The following AGBL4 variants were observed in gnomAD, a reference collection of about 807,000 sequenced individuals.
The protein encoded by AGBL4 is AGBL carboxypeptidase 4, also known as cytosolic carboxypeptidase 6.
AGBL4 carries 58 observed loss-of-function variants against 66.4 expected under a neutral mutation model. The ratio of observed to expected loss-of-function variants is 0.87; its 90% CI spans 0.71 to 1.09. The LOEUF is 1.09. Ranked by LOEUF, AGBL4 falls within the 50% of genes least tolerant of loss-of-function variation. The probability of loss-of-function intolerance (pLI) is 0.00; values close to 1 mark genes in which losing one functional copy is unlikely to be tolerated. For missense variants in AGBL4, 579 were observed against 631.0 expected (o/e 0.92, Z 0.88); for synonymous variants, 234 against 222.9 (o/e 1.05, Z -0.44).
intron 3 of AGBL4, among the ~76,000 whole-genome samples, chr1:49,460,295 G>C (rs1026776645): frequency 3.3e-5 from 5 of 151,526 alleles, no homozygotes; most frequent in Admixed American, 6.6e-5. Context: ...ATGTATTTAG[G>C]ATTGTGATAT....
chr1:48,818,397 T>G (rs1646236403), intron 6 of AGBL4, among the ~76,000 whole-genome samples: 1 of 152,174 alleles, frequency 6.6e-6, no homozygotes, highest in Non-Finnish European at 1.5e-5. Flanking sequence ...TGATGTCAGT[T>G]TTTGCTTTTT....
chr1:49,014,333 G>A (rs917997501), intron 5 of AGBL4, among the ~76,000 whole-genome samples: 1 of 152,214 alleles, frequency 6.6e-6, no homozygotes, highest in Non-Finnish European at 1.5e-5. Flanking sequence ...AAATGCTTTA[G>A]ACCAAGAGGT....
intron 3 of AGBL4, among the ~76,000 whole-genome samples, chr1:49,318,414 G>C (rs1645076086): frequency 6.6e-6 from 1 of 151,670 alleles, no homozygotes; most frequent in Middle Eastern, 3.4e-3. Flanking sequence ...TGATGATGAT[G>C]ATGATGATGA....
intron 11 of AGBL4, among the ~76,000 whole-genome samples, chr1:48,576,850 G>A (rs1275153939): frequency 6.6e-6 from 1 of 152,192 alleles, no homozygotes; most frequent in Non-Finnish European, 1.5e-5. Context: ...GGATGTGGGA[G>A]TTGACACATT....
chr1:49,429,754 C>T (rs758563496), intron 3 of AGBL4, among the ~76,000 whole-genome samples: 6 of 152,140 alleles, frequency 3.9e-5, no homozygotes, highest in Non-Finnish European at 8.8e-5. Flanking sequence ...TATTTAAAAT[C>T]CCTTATTAAC....
At chr1:49,963,289 G>T (rs889936491) in intron 1 of AGBL4, among the ~76,000 whole-genome samples, 1 of 152,040 alleles carries the variant, frequency 6.6e-6, no homozygotes, top group African/African-American at 2.4e-5. Flanking sequence ...TCTTGTTAAG[G>T]ATGCAGTCAT....
At chr1:49,458,709 T>G (rs1324686110) in intron 3 of AGBL4, among the ~76,000 whole-genome samples, 3 of 151,836 alleles carry the variant, frequency 2.0e-5, no homozygotes, top group African/African-American at 7.2e-5. Flanking sequence ...TGGCTCTTAT[T>G]ACCTTAAGGT....
chr1:49,556,728 C>T (rs201760662), intron 3 of AGBL4, among the ~76,000 whole-genome samples: 6 of 151,978 alleles, frequency 3.9e-5, no homozygotes, highest in African/African-American at 9.7e-5. Context: ...GCCCTTGGGC[C>T]GTCCATGGGA....
chr1:48,828,025 C>CACAT (rs1646467255), intron 6 of AGBL4, among the ~76,000 whole-genome samples: 1 of 150,756 alleles, frequency 6.6e-6, no homozygotes, highest in South Asian at 2.1e-4. Flanking sequence ...CACACACACA[C>CACAT]ACACACACAC....
At chr1:49,762,145 A>G (rs974237304) in intron 2 of AGBL4, among the ~76,000 whole-genome samples, 2 of 152,114 alleles carry the variant, frequency 1.3e-5, no homozygotes, top group Non-Finnish European at 2.9e-5. Flanking sequence ...TTTTTTGAGA[A>G]ATTTCCATGC....
chr1:48,746,132 A>C (rs1319221645), intron 6 of AGBL4, among the ~76,000 whole-genome samples: 2 of 152,198 alleles, frequency 1.3e-5, no homozygotes, highest in Non-Finnish European at 2.9e-5. Flanking sequence ...AGGAAAGATA[A>C]CAGTGACTTG....
chr1:48,911,165 G>A (rs1653060544), intron 5 of AGBL4, among the ~76,000 whole-genome samples: 1 of 152,124 alleles, frequency 6.6e-6, no homozygotes, highest in South Asian at 2.1e-4. Flanking sequence ...TAGTATTGAT[G>A]AGCTCCTGCT....
intron 3 of AGBL4, among the ~76,000 whole-genome samples, chr1:49,665,200 A>G (rs1253312229): frequency 6.6e-6 from 1 of 152,150 alleles, no homozygotes; most frequent in Non-Finnish European, 1.5e-5. Context: ...CTTACTTCCT[A>G]TAGTACCCTA....
chr1:48,859,724 G>C (rs1171275730), intron 6 of AGBL4, among the ~76,000 whole-genome samples: 3 of 152,174 alleles, frequency 2.0e-5, no homozygotes, highest in Admixed American at 6.5e-5. Flanking sequence ...TTTGCAATTT[G>C]ATGTAATTGT....
intron 3 of AGBL4, among the ~76,000 whole-genome samples, chr1:49,443,013 A>C (rs944847190): frequency 1.3e-5 from 2 of 151,944 alleles, no homozygotes; most frequent in Non-Finnish European, 2.9e-5. Flanking sequence ...TTTAATTTGC[A>C]TTTTTCTAAC....
chr1:49,336,167 T>C lies in AGBL4; in HGVS notation c.283-90303A>G, dbSNP rs113235527. ...ACCTGAGAATCAGGAAAGCCTATGGTGTAAGTTCCAGTCTGACTTTGATCT... is the reference window on the plus strand; with the variant it reads ...ACCTGAGAATCAGGAAAGCCTATGGCGTAAGTTCCAGTCTGACTTTGATCT... On this transcript the variant is annotated intron_variant, in intron 3 of 13. Coordinates refer to ENST00000371839, the MANE Select transcript of AGBL4 (RefSeq NM_032785.4). Among the ~76,000 whole-genome samples the C allele has an allele frequency of 5.5e-3, 832 of 152,114 alleles. 5 individuals are homozygous for C. The highest frequency in any genetic ancestry group is 6.9e-3 in the Non-Finnish European group (471 of 68,002).
chr1:49,313,208 C>T (rs1644973243), intron 3 of AGBL4, among the ~76,000 whole-genome samples: 1 of 151,686 alleles, frequency 6.6e-6, no homozygotes, highest in African/African-American at 2.4e-5. Context: ...AAAAACTCAT[C>T]CCTTTTTATG....
intron 9 of AGBL4, among the ~76,000 whole-genome samples, chr1:48,608,784 C>CA (rs1645192095): frequency 3.3e-5 from 5 of 151,946 alleles, no homozygotes; most frequent in Admixed American, 3.3e-4. Flanking sequence ...CCAGATATAG[C>CA]ATGATATCCA....
At chr1:49,718,142 G>A (rs181748528) in intron 2 of AGBL4, among the ~76,000 whole-genome samples, 2 of 152,040 alleles carry the variant, frequency 1.3e-5, no homozygotes, top group Non-Finnish European at 2.9e-5. Context: ...TGTTAGAGGT[G>A]GGGAGAGGTA....
Sources: allele counts gnomAD v4.1 joint callset (sites outside exome capture counted in the v4.1 genomes callset), GRCh38; gene constraint gnomAD v4.1.1; transcripts MANE v1.5; gene names NCBI Gene and HGNC (gene_info 2026-07-23, HGNC 2026-07-21).